Variants in CPNE8 observed in about 807,000 individuals in gnomAD.
The protein encoded by CPNE8 is copine 8.
In CPNE8, 45 loss-of-function variants were observed where a neutral mutation model predicts 81.5. That is an observed-to-expected ratio of 0.55 (90% CI 0.44 to 0.71). The LOEUF (loss-of-function observed/expected upper bound fraction) is 0.71. CPNE8 is among the 30% of genes least tolerant of loss of function. The pLI is 0.00. For missense variants in CPNE8, 594 were observed against 672.1 expected, an observed-to-expected ratio of 0.88 and a Z score of 1.28; for synonymous variants, 252 against 226.3, an observed-to-expected ratio of 1.11 and a Z score of -1.02.
intron 13 of CPNE8, among the ~76,000 whole-genome samples, chr12:38,716,776 A>G (rs1940404426): frequency 6.6e-6 from 1 of 152,150 alleles, no homozygotes; most frequent in Non-Finnish European, 1.5e-5. Flanking sequence ...AACAAAAACA[A>G]AAGTAAACAA....
intron 6 of CPNE8, among the ~76,000 whole-genome samples, chr12:38,809,503 C>A (rs368553383): frequency 6.6e-6 from 1 of 152,172 alleles, no homozygotes; most frequent in Non-Finnish European, 1.5e-5. Context: ...ATTTTAGTTA[C>A]ATCTGCAAAG....
intron 10 of CPNE8, among the ~76,000 whole-genome samples, chr12:38,740,473 G>A (rs1941072038): frequency 6.6e-6 from 1 of 152,128 alleles, no homozygotes; most frequent in Non-Finnish European, 1.5e-5. Flanking sequence ...TCTTGTGCCG[G>A]TTTTCAAAGG....
chr12:38,776,929 C>A (rs375731915), intron 6 of CPNE8, among the ~76,000 whole-genome samples: 5 of 151,734 alleles, frequency 3.3e-5, no homozygotes, highest in South Asian at 2.1e-4. Context: ...GTCCATAATA[C>A]TTGACAATGA....
At chr12:38,701,367 T>TAC (rs1369050888) in intron 14 of CPNE8, among the ~76,000 whole-genome samples, 4 of 152,192 alleles carry the variant, frequency 2.6e-5, no homozygotes, top group African/African-American at 9.6e-5. Context: ...AAATCAAAAA[T>TAC]GTTTGTCTTT....
At chr12:38,656,098 G>T (rs1300873513) in intron 19 of CPNE8, among the ~76,000 whole-genome samples, 1 of 146,496 alleles carries the variant, frequency 6.8e-6, no homozygotes. Context: ...AAAAATCAAA[G>T]AGGTAAAAAA....
At chr12:38,670,399 G>A (rs1402253204) in intron 19 of CPNE8, among the ~76,000 whole-genome samples, 2 of 151,838 alleles carry the variant, frequency 1.3e-5, no homozygotes, top group East Asian at 1.9e-4. Flanking sequence ...AGAGTAATAC[G>A]CTTTACTTAA....
chr12:38,781,768 G>C (rs1660120076), intron 6 of CPNE8, among the ~76,000 whole-genome samples: 1 of 151,990 alleles, frequency 6.6e-6, no homozygotes, highest in African/African-American at 2.4e-5. Flanking sequence ...TTCCTGATAA[G>C]ATGTAAGGAG....
chr12:38,701,721 T>C (rs1289670883), intron 14 of CPNE8, among the ~76,000 whole-genome samples: 1 of 152,288 alleles, frequency 6.6e-6, no homozygotes, highest in African/African-American at 2.4e-5. Flanking sequence ...CTCAAACTAC[T>C]GACCTCAGGT....
intron 19 of CPNE8, among the ~76,000 whole-genome samples, chr12:38,659,221 GA>G (rs146733623): frequency 0.67 from 90,373 of 134,408 alleles, 33,964 homozygotes; most frequent in Non-Finnish European, 0.87. Context: ...CAAATGGAAA[GA>G]AAAAAAAAAA....
At chr12:38,669,115 T>C (rs1939120247) in intron 19 of CPNE8, among the ~76,000 whole-genome samples, 1 of 152,104 alleles carries the variant, frequency 6.6e-6, no homozygotes, top group African/African-American at 2.4e-5. Flanking sequence ...AATGACCATA[T>C]CACCAGGTTC....
At chr12:38,842,448 T>C (rs960243910) in intron 4 of CPNE8, among the ~76,000 whole-genome samples, 21 of 152,080 alleles carry the variant, frequency 1.4e-4, no homozygotes, top group Non-Finnish European at 5.9e-5. Context: ...AATACAATCC[T>C]CTTTCACTGT....
intron 2 of CPNE8, 67 bp from the exon 3 acceptor site, chr12:38,873,117 A>G: frequency 1.0e-6 from 1 of 972,586 alleles, no homozygotes. Flanking sequence ...AATGTATACA[A>G]TTTATTTTTC....
intron 6 of CPNE8, among the ~76,000 whole-genome samples, chr12:38,825,627 T>C (rs1404637184): frequency 6.6e-6 from 1 of 152,242 alleles, no homozygotes; most frequent in Non-Finnish European, 1.5e-5. Flanking sequence ...AGAAGCTGTA[T>C]CTTCTCTCAA....
intron 6 of CPNE8, among the ~76,000 whole-genome samples, chr12:38,799,451 G>C (rs182146707): frequency 4.0e-4 from 61 of 152,140 alleles, no homozygotes; most frequent in African/African-American, 1.3e-3. Flanking sequence ...TGACTACTGG[G>C]TACATAAGGA....
intron 13 of CPNE8, among the ~76,000 whole-genome samples, chr12:38,706,481 A>T (rs936704470): frequency 6.6e-6 from 1 of 152,170 alleles, no homozygotes; most frequent in Non-Finnish European, 1.5e-5. Flanking sequence ...ATGATAAAAA[A>T]ATCTGGATAT....
intron 3 of CPNE8, among the ~76,000 whole-genome samples, chr12:38,864,808 A>G (rs1218465423): frequency 6.6e-6 from 1 of 152,224 alleles, no homozygotes; most frequent in African/African-American, 2.4e-5. Context: ...AAAGAGAACA[A>G]AAGCACAGAT....
intron 14 of CPNE8, among the ~76,000 whole-genome samples, chr12:38,695,421 C>T (rs826880): frequency 0.11 from 16,080 of 152,148 alleles, 1,063 homozygotes; most frequent in East Asian, 0.25. Context: ...CAGTAGCTCA[C>T]CTCAGCAAGC....
At chr12:38,741,846 A>T (rs1941114253) in intron 10 of CPNE8, among the ~76,000 whole-genome samples, 1 of 152,154 alleles carries the variant, frequency 6.6e-6, no homozygotes, top group Admixed American at 6.5e-5. Flanking sequence ...AAACAACCCC[A>T]TCAAAAAGTG....
chr12:38,678,824 C>T (rs1222745825), intron 16 of CPNE8, among the ~76,000 whole-genome samples: 1 of 151,772 alleles, frequency 6.6e-6, no homozygotes, highest in Non-Finnish European at 1.5e-5. Context: ...GGATGTTGAA[C>T]AGGTTCCACA....
Sources: allele counts gnomAD v4.1 joint callset (sites outside exome capture counted in the v4.1 genomes callset), GRCh38; gene constraint gnomAD v4.1.1; transcripts MANE v1.5; gene names NCBI Gene and HGNC (gene_info 2026-07-23, HGNC 2026-07-21).